FANCD2: variants seen among roughly 807,000 people sequenced by gnomAD.
FANCD2 encodes Fanconi anemia group D2 protein.
A neutral mutation model predicts 192.3 loss-of-function variants in FANCD2; 131 were observed. The observed-to-expected ratio is 0.68, with a 90% confidence interval of 0.59 to 0.79. The LOEUF (loss-of-function observed/expected upper bound fraction) is 0.79. FANCD2 is among the 30% of genes least tolerant of loss of function. FANCD2 has a pLI of 0.00. For missense variants in FANCD2, 1,508 were observed against 1,701.6 expected, an observed-to-expected ratio of 0.89 and a Z score of 2.00; for synonymous variants, 524 against 612.5, an observed-to-expected ratio of 0.86 and a Z score of 2.13.
At position 10,085,837 on chromosome 3, in the gene FANCD2, C is replaced by A; in HGVS notation, c.3250C>A (p.Gln1084Lys). The change falls in exon 33 of 44, where the codon CAG becomes AAG. Residue 1084 changes from glutamine (Q) to lysine (K), a missense_variant. Physicochemically the swap from Gln to Lys is moderately conservative, Grantham distance 53 (BLOSUM62 1). Transcript: ENST00000675286. ...GAGTGGATTTTCTCAACCTGAAAAT[C>A]AGAATTTACTGTATTCAGCCCTCCA... Reference protein sequence around the residue: ...AWSGFSQPENQNLLYSALHVL... With the variant: ...AWSGFSQPENKNLLYSALHVL... 1 of 1,613,454 alleles carries A rather than the reference C, an allele frequency of 6.2e-7. No homozygotes were observed. Among genetic ancestry groups the A allele is most frequent in the South Asian group, 1.1e-5 (1 of 91,032 alleles).
chr3:10,064,072 TCTGAGGGCTCCTTCA>T (rs754474363), intron 21 of FANCD2, among the ~76,000 whole-genome samples, 161 bp downstream of exon 21: 2 of 152,178 alleles, frequency 1.3e-5, no homozygotes, highest in Non-Finnish European at 2.9e-5. Flanking sequence ...ACGGCTCTTC[TCTGAGGGCTCCTTCA>T]CTTAATAACA....
intron 7 of FANCD2, among the ~76,000 whole-genome samples, chr3:10,039,013 A>G (rs1453298347): frequency 6.6e-6 from 1 of 152,202 alleles, no homozygotes; most frequent in Non-Finnish European, 1.5e-5. Context: ...GATGCTGTCT[A>G]GCCCTGTCAT....
At chr3:10,057,355 TTTTC>T (rs1371117241) in intron 18 of FANCD2, among the ~76,000 whole-genome samples, 75 of 151,732 alleles carry the variant, frequency 4.9e-4, no homozygotes, top group East Asian at 1.2e-3. Flanking sequence ...TTCTTTTTCT[TTTTC>T]TTTCTTTCTT....
At chr3:10,031,197 G>A (rs912091976) in intron 2 of FANCD2, among the ~76,000 whole-genome samples, 3 of 152,034 alleles carry the variant, frequency 2.0e-5, no homozygotes, top group Non-Finnish European at 4.4e-5. Flanking sequence ...TTCTGATTAA[G>A]GCTTTATTAG....
chr3:10,048,048 G>C lies in FANCD2; in HGVS notation c.1410G>C (p.Gln470His), dbSNP rs757001820. The change falls in exon 16 of 44, where the codon CAG (glutamine) becomes CAC (histidine). Residue 470 changes from glutamine (Q) to histidine (H), a missense_variant. By Grantham distance (24) the Gln-to-His change is conservative (BLOSUM62 0). Transcript: ENST00000675286. ...TTAAGTTTTTTGACACGTACTGCCA[G>C]CAGGTATGTTGAAACATTTATTTTG... ...YAFKFFDTYC[Q>H]QEVVGALVTH... The C allele has an allele frequency of 1.9e-6, 3 of 1,614,252 alleles. No individual in the cohort carries two copies. Among genetic ancestry groups the C allele is most frequent in the Non-Finnish European group, 2.5e-6 (3 of 1,180,046 alleles).
At chr3:10,094,581 G>C (rs535413851) in intron 40 of FANCD2, among the ~76,000 whole-genome samples, 1 of 152,210 alleles carries the variant, frequency 6.6e-6, no homozygotes, top group East Asian at 1.9e-4. Context: ...TTCTTCTCCA[G>C]ATCTGACAGT....
chr3:10,077,869 A>T (rs1302985294), intron 29 of FANCD2, among the ~76,000 whole-genome samples: 3 of 152,014 alleles, frequency 2.0e-5, no homozygotes, highest in African/African-American at 7.3e-5. Flanking sequence ...ATTTCTTATT[A>T]ATTAAAAAAA....
At chr3:10,036,438 AT>A in intron 7 of FANCD2, 99 bp downstream of exon 7, 1 of 893,774 alleles carries the variant, frequency 1.1e-6, no homozygotes, top group East Asian at 2.5e-5. Flanking sequence ...TGAAAGTCAT[AT>A]TTATCATTAT....
Position 10,101,437 on chromosome 3 carries a change from G to A in FANCD2, c.*175G>A. On this transcript the variant is annotated 3_prime_UTR_variant, in exon 44 of 44. Coordinates refer to ENST00000675286, the MANE Select transcript of FANCD2 (RefSeq NM_001018115.3). ...GACTCGCTGTGTTTCCCAGGCTGGA[G>A]TGCAGTGCTGCAATCTTGGCTCACT... 1.8e-6 allele frequency: 1 copy of A among 562,146 alleles called. No individual in the cohort carries two copies. The highest frequency in any genetic ancestry group is 2.0e-5 in the South Asian group (1 of 49,588). The allele number at this position is 562,146 out of a possible 1,614,324, so 34.8% of individuals were successfully genotyped here.
chr3:10,080,614 T>TA (rs1330290093), intron 30 of FANCD2, among the ~76,000 whole-genome samples: 1 of 152,154 alleles, frequency 6.6e-6, no homozygotes, highest in Non-Finnish European at 1.5e-5. Context: ...CTATAAAAAA[T>TA]ACAAAAACTA....
At chr3:10,036,782 G>T (rs1379765187) in intron 7 of FANCD2, among the ~76,000 whole-genome samples, 1 of 151,992 alleles carries the variant, frequency 6.6e-6, no homozygotes, top group Non-Finnish European at 1.5e-5. Context: ...CTCCAAAGAG[G>T]GTAGCCAGTT....
At chr3:10,030,057 G>A (rs2086553585) in intron 2 of FANCD2, among the ~76,000 whole-genome samples, 1 of 150,960 alleles carries the variant, frequency 6.6e-6, no homozygotes. Flanking sequence ...AAAGTGCAAG[G>A]ATTACAGGCT....
At chr3:10,096,287 TAAACTCAC>T in intron 41 of FANCD2, 31 bp from the exon 42 acceptor site, 1 of 1,610,452 alleles carries the variant, frequency 6.2e-7, no homozygotes, top group Non-Finnish European at 8.5e-7. Context: ...GGCATGATGA[TAAACTCAC>T]AAAAGATGGA....
chr3:10,032,961 A>G lies in FANCD2; in HGVS notation c.194A>G (p.Gln65Arg). ...ATTATTCTTAAAACGGGAGAGAGTC[A>G]GAATCAACTAGGTAATATTTTAATC... The part of the protein sequence containing the change: ...SGIILKTGES[Q>R]NQLAVDQIAF... Residue 65 changes from glutamine (Q) to arginine (R), a missense_variant, in exon 3 of 44, where the codon CAG becomes CGG. Transcript: ENST00000675286. 6.3e-7 allele frequency: 1 copy of G among 1,575,106 alleles called. No homozygotes were observed. The highest frequency in any genetic ancestry group is 8.7e-7 in the Non-Finnish European group (1 of 1,144,810).
Position 10,074,558 on chromosome 3 carries a change from CATTGTTACTACAT to C in FANCD2, c.2746_2758del (p.Leu916IlefsTer22). On this transcript the variant is annotated frameshift_variant, in exon 29 of 44. Coordinates refer to ENST00000675286, the MANE Select transcript of FANCD2 (RefSeq NM_001018115.3). LOFTEE classifies it high-confidence loss of function. ...TTCACAGGGAAGGAAGAAAAGACAT[CATTGTTACTACAT>C]AATTCCCATGCTTTTTTCCGAGAGC... 1.2e-6 allele frequency: 2 copies of C among 1,613,700 alleles called. No individual in the cohort carries two copies. Among genetic ancestry groups the C allele is most frequent in the South Asian group, 2.2e-5 (2 of 91,066 alleles).
chr3:10,046,519 T>C (rs2087015605), intron 14 of FANCD2, 61 bp from the exon 15 acceptor site: 16 of 1,603,886 alleles, frequency 1.0e-5, no homozygotes, highest in Non-Finnish European at 1.4e-5. Flanking sequence ...TGCTGTTTCA[T>C]TGTAGCAAAT....
chr3:10,096,003 T>C (rs368272136), intron 41 of FANCD2, among the ~76,000 whole-genome samples: 271 of 152,212 alleles, frequency 1.8e-3, no homozygotes, highest in African/African-American at 6.2e-3. Flanking sequence ...TAAGGAATTC[T>C]CTTAGCTAAA....
intron 34 of FANCD2, among the ~76,000 whole-genome samples, chr3:10,087,500 C>T (rs1235886171): frequency 6.7e-6 from 1 of 148,254 alleles, no homozygotes; most frequent in Non-Finnish European, 1.5e-5. Context: ...TTCTCTTTGG[C>T]TTAAGTTTAA....
chr3:10,065,560 G>A (rs1421442855), intron 24 of FANCD2, 66 bp downstream of exon 24: 2 of 1,067,948 alleles, frequency 1.9e-6, no homozygotes, highest in African/African-American at 1.6e-5. Flanking sequence ...TAGGGAAAGG[G>A]CAGATCAATA....
Sources: allele counts gnomAD v4.1 joint callset (sites outside exome capture counted in the v4.1 genomes callset), GRCh38; gene constraint gnomAD v4.1.1; transcripts MANE v1.5; gene names NCBI Gene and HGNC (gene_info 2026-07-23, HGNC 2026-07-21).